Variants in THBS4 observed in about 807,000 individuals in gnomAD.
THBS4 encodes the protein thrombospondin-4.
THBS4 carries 90 observed loss-of-function variants against 115.7 expected under a neutral mutation model. The observed-to-expected ratio is 0.78, with a 90% CI of 0.66 to 0.93. THBS4 has a LOEUF of 0.93. Ranked by LOEUF, THBS4 falls within the 40% of genes least tolerant of loss-of-function variation. The pLI is 0.00. For missense variants in THBS4, 1,087 were observed against 1,232.7 expected (o/e 0.88, Z 1.77); for synonymous variants, 460 against 479.3 (o/e 0.96, Z 0.53).
intron 8 of THBS4, 84 bp downstream of exon 8, chr5:80,061,916 T>TACC: frequency 7.1e-7 from 1 of 1,414,104 alleles, no homozygotes; most frequent in Admixed American, 2.6e-5. Flanking sequence ...TATAAACCTT[T>TACC]ACCTCCATGA....
At chr5:79,995,249 G>A (rs954867864) in intron 1 of THBS4, among the ~76,000 whole-genome samples, 3 of 152,192 alleles carry the variant, frequency 2.0e-5, no homozygotes, top group African/African-American at 7.2e-5. Context: ...GACAGCTATT[G>A]TTACATGGAC....
intron 2 of THBS4, among the ~76,000 whole-genome samples, chr5:80,026,618 TTTAA>T (rs1420278109): frequency 6.6e-6 from 1 of 152,222 alleles, no homozygotes; most frequent in Non-Finnish European, 1.5e-5. Context: ...CCAATAAAAC[TTTAA>T]TTATGAGCCT....
chr5:80,067,688 C>G lies in THBS4; in HGVS notation c.1195-285C>G, dbSNP rs181219429. 1.6e-4 allele frequency: 47 copies of G among 294,102 alleles called. No individual in the cohort carries two copies. The East Asian group carries it at 3.5e-3, about 22-fold the overall frequency. 18.2% of individuals were successfully genotyped at this position (294,102 alleles called of 1,614,324 possible). On this transcript the variant is annotated intron_variant, in intron 9 of 21. Coordinates refer to ENST00000350881, the MANE Select transcript of THBS4 (RefSeq NM_003248.6). ...ACTTTTGACCTGTCCCCTATGCCCT[C>G]CACGGTGGCGCGGGCAACTCAGTGT... is the stretch of plus-strand genomic sequence containing the variant.
chr5:80,000,169 A>G (rs1176954128), intron 2 of THBS4, among the ~76,000 whole-genome samples: 1 of 152,212 alleles, frequency 6.6e-6, no homozygotes, highest in Non-Finnish European at 1.5e-5. Context: ...CCATTTGATT[A>G]CACCTGCATA....
intron 3 of THBS4, among the ~76,000 whole-genome samples, chr5:80,056,999 A>C (rs1158862340): frequency 6.6e-6 from 1 of 152,230 alleles, no homozygotes; most frequent in Non-Finnish European, 1.5e-5. Context: ...GCCCTTGAAC[A>C]ACAGGAAGCA....
intron 1 of THBS4, among the ~76,000 whole-genome samples, chr5:79,998,170 G>T (rs1459041268): frequency 6.6e-6 from 1 of 152,206 alleles, no homozygotes; most frequent in Non-Finnish European, 1.5e-5. Flanking sequence ...CAAATCACAT[G>T]TCGAATTGTA....
Position 80,076,868 on chromosome 5 carries a change from C to T in THBS4, c.1906C>T (p.His636Tyr). ...DTNQDSDGDG[H>Y]QDSTDNCPTV... ...TTTCTCCTGCAGTGATGGAGATGGG[C>T]ACCAGGACAGCACAGACAACTGCCC... The change falls in exon 16 of 22, where the codon CAC (histidine) becomes TAC (tyrosine). Residue 636 changes from histidine (H) to tyrosine (Y), a missense_variant. This residue lies in a region of THBS4 where 979 missense variants were observed against 1,103.7 expected (regional missense o/e 0.89). Transcript: ENST00000350881. The T allele has an allele frequency of 6.3e-7, 1 of 1,590,966 alleles. No individual in the cohort carries two copies. The highest frequency in any genetic ancestry group is 1.2e-5 in the South Asian group (1 of 85,984).
At chr5:80,007,404 G>T (rs1448730426) in intron 2 of THBS4, among the ~76,000 whole-genome samples, 2 of 152,150 alleles carry the variant, frequency 1.3e-5, no homozygotes, top group Non-Finnish European at 2.9e-5. Flanking sequence ...CCTTTGTGTT[G>T]CCCAAAGCCA....
At chr5:79,994,363 A>G (rs1402457472) in intron 1 of THBS4, among the ~76,000 whole-genome samples, 5 of 152,170 alleles carry the variant, frequency 3.3e-5, no homozygotes, top group Admixed American at 6.5e-5. Context: ...ATACTGCCTC[A>G]TGTAGCCTCC....
intron 10 of THBS4, 61 bp downstream of exon 10, chr5:80,068,186 T>C (rs1197694322): frequency 6.3e-7 from 1 of 1,589,760 alleles, no homozygotes; most frequent in African/African-American, 1.3e-5. Flanking sequence ...ACCACCTCTC[T>C]CCAGTTTCTA....
At chr5:80,078,252 G>C in intron 17 of THBS4, 25 bp downstream of exon 17, 1 of 1,539,956 alleles carries the variant, frequency 6.5e-7, no homozygotes, top group Non-Finnish European at 8.8e-7. Context: ...GGCGGCAATG[G>C]CTCAGCCTTG....
In THBS4 at chr5:80,068,148, C is replaced by T. The variant is rs193191002; in HGVS notation, c.1347+23C>T. The T allele has an allele frequency of 3.0e-5, 48 of 1,612,114 alleles. No homozygotes were observed. In the African/African-American group the frequency reaches 5.7e-4, roughly 19 times the overall value. ...GTGGTAAGTTGTTTTTTGACTTCCT[C>T]TATCATTTTTCCTCTTCCATTTTTA... is the stretch of plus-strand genomic sequence containing the variant. On this transcript the variant is annotated intron_variant, in intron 10 of 21. Coordinates refer to ENST00000350881, the MANE Select transcript of THBS4 (RefSeq NM_003248.6).
chr5:80,005,762 A>ATTT (rs567389394), intron 2 of THBS4, among the ~76,000 whole-genome samples: 27 of 119,832 alleles, frequency 2.3e-4, no homozygotes, highest in East Asian at 4.8e-4. Context: ...TGTTTGTGGC[A>ATTT]TTTTTTTTTT....
Position 80,071,185 on chromosome 5 carries a change from A to G in THBS4, c.1720+5A>G. 1.3e-6 allele frequency: 2 copies of G among 1,565,634 alleles called. No homozygotes were observed. Among genetic ancestry groups the G allele is most frequent in the East Asian group, 4.6e-5 (2 of 43,428 alleles). The stretch of plus-strand genomic sequence containing the variant: ...ATGATGACATGGATGGAGATGGTAG[A>G]TTTATCTTGCTTTTGTCTTTTATTT... On this transcript the variant is annotated splice_donor_5th_base_variant and intron_variant, in intron 13 of 21. Transcript: ENST00000350881.
intron 1 of THBS4, among the ~76,000 whole-genome samples, chr5:79,998,029 A>G (rs1257541164): frequency 1.3e-5 from 2 of 152,232 alleles, no homozygotes; most frequent in East Asian, 3.8e-4. Context: ...TATCTGTTAA[A>G]GGACTTGGGT....
At chr5:80,065,025 A>G (rs1411083487) in intron 8 of THBS4, among the ~76,000 whole-genome samples, 1 of 152,144 alleles carries the variant, frequency 6.6e-6, no homozygotes, top group Non-Finnish European at 1.5e-5. Context: ...GAAAGACTAG[A>G]AAGCAGTCGG....
chr5:80,071,639 TG>T (rs1834059021), intron 13 of THBS4: 1 of 139,288 alleles, frequency 7.2e-6, no homozygotes, highest in African/African-American at 3.0e-5. Context: ...AAATACCACC[TG>T]CCCCAACACA....
At chr5:80,031,467 A>G (rs1832585661), upstream of THBS4, among the ~76,000 whole-genome samples, 1 of 152,268 alleles carries the variant, frequency 6.6e-6, no homozygotes, top group Non-Finnish European at 1.5e-5. Context: ...TTGCTACAAT[A>G]TTGTTACATA....
At chr5:80,062,515 G>A (rs544056428) in intron 8 of THBS4, among the ~76,000 whole-genome samples, 56 of 152,288 alleles carry the variant, frequency 3.7e-4, no homozygotes, top group African/African-American at 1.2e-3. Context: ...GCCTATCAAA[G>A]GGTTCTAGAG....
Sources: allele counts gnomAD v4.1 joint callset (sites outside exome capture counted in the v4.1 genomes callset), GRCh38; gene constraint gnomAD v4.1.1; regional missense constraint gnomAD v4.1.1; transcripts MANE v1.5; gene names NCBI Gene and HGNC (gene_info 2026-07-23, HGNC 2026-07-21).